The following SYT1 variants were observed in gnomAD, a reference collection of about 807,000 sequenced individuals.
SYT1 encodes the protein synaptotagmin 1.
SYT1 carries 8 observed loss-of-function variants against 44.8 expected under a neutral mutation model. The observed-to-expected ratio is 0.18, with a 90% confidence interval of 0.10 to 0.32. The LOEUF is 0.32. Ranked by LOEUF, SYT1 falls within the 10% of genes least tolerant of loss-of-function variation. SYT1 has a pLI of 1.00. For synonymous variants in SYT1, 154 were observed against 188.8 expected (o/e 0.82, Z 1.51); for missense variants, 286 against 509.3 (o/e 0.56, Z 4.22).
rs188966684 is a variant in SYT1 at position 78,887,240 on chromosome 12, C to T, written c.-217+22131C>T. Among the ~76,000 whole-genome samples the T allele has an allele frequency of 3.2e-3, 485 of 152,034 alleles. 5 individuals are homozygous for T. Among genetic ancestry groups the T allele is most frequent in the Non-Finnish European group, 2.7e-3 (185 of 67,942 alleles). On this transcript the variant is annotated intron_variant, in intron 1 of 10. Transcript: ENST00000261205. ...TGAGTCATCTCTTTGTCCAGTATCT[C>T]GATGCTGTGTTATCCACCCGTTAGT...
intron 9 of SYT1, among the ~76,000 whole-genome samples, chr12:79,441,955 C>T (rs895249563): frequency 2.0e-5 from 3 of 152,180 alleles, no homozygotes; most frequent in African/African-American, 7.2e-5. Context: ...CCTATTCTCC[C>T]CAAGGCATTA....
chr12:79,110,891 A>G (rs1878975110), intron 3 of SYT1, among the ~76,000 whole-genome samples: 1 of 152,174 alleles, frequency 6.6e-6, no homozygotes, highest in African/African-American at 2.4e-5. Context: ...ATAATTAAGT[A>G]CCATTGCTAC....
chr12:79,253,939 A>G (rs906336669), intron 4 of SYT1, among the ~76,000 whole-genome samples: 10 of 152,158 alleles, frequency 6.6e-5, no homozygotes, highest in African/African-American at 2.4e-4. Flanking sequence ...TGAGAGAGGT[A>G]AGGGAGCTGC....
chr12:79,100,656 A>G (rs1565806637), intron 3 of SYT1, among the ~76,000 whole-genome samples: 2 of 152,164 alleles, frequency 1.3e-5, no homozygotes, highest in Admixed American at 6.6e-5. Context: ...CAAATTCCCT[A>G]TAATAAGAGA....
intron 3 of SYT1, among the ~76,000 whole-genome samples, chr12:79,095,088 T>TA (rs1388802402): frequency 2.0e-5 from 3 of 151,788 alleles, no homozygotes; most frequent in Non-Finnish European, 4.4e-5. Context: ...ACAAAATGTT[T>TA]AAAAAAGACA....
intron 1 of SYT1, among the ~76,000 whole-genome samples, chr12:78,934,275 G>A (rs1877929449): frequency 6.6e-6 from 1 of 151,898 alleles, no homozygotes; most frequent in Admixed American, 6.6e-5. Flanking sequence ...GGGCCAGGTG[G>A]AGATAATTGA....
chr12:79,252,506 T>C (rs1877278511), intron 4 of SYT1, among the ~76,000 whole-genome samples: 1 of 152,142 alleles, frequency 6.6e-6, no homozygotes, highest in Non-Finnish European at 1.5e-5. Context: ...TGTGATTCAT[T>C]CTGACAGGGA....
chr12:78,965,325 G>A (rs144212993), intron 1 of SYT1, among the ~76,000 whole-genome samples: 155 of 152,132 alleles, frequency 1.0e-3, no homozygotes, highest in African/African-American at 3.7e-3. Context: ...TACAGATTAG[G>A]CAGCTACTAT....
intron 9 of SYT1, among the ~76,000 whole-genome samples, chr12:79,428,591 C>T (rs543229843): frequency 7.9e-5 from 12 of 152,218 alleles, no homozygotes; most frequent in East Asian, 1.9e-4. Context: ...TTGCAATGCA[C>T]GTTGTAGCTT....
chr12:79,299,961 T>C (rs1880055279), intron 8 of SYT1, among the ~76,000 whole-genome samples: 1 of 152,174 alleles, frequency 6.6e-6, no homozygotes, highest in Non-Finnish European at 1.5e-5. Flanking sequence ...AGAAATAAAA[T>C]GGTACTTTTT....
chr12:79,313,966 G>A (rs971948673), intron 8 of SYT1, among the ~76,000 whole-genome samples: 57 of 148,806 alleles, frequency 3.8e-4, no homozygotes, highest in Non-Finnish European at 6.6e-4. Context: ...TCAGGAGATC[G>A]AGACCATCCT....
At chr12:79,199,495 C>T (rs1281302783) in intron 3 of SYT1, among the ~76,000 whole-genome samples, 1 of 152,064 alleles carries the variant, frequency 6.6e-6, no homozygotes, top group Non-Finnish European at 1.5e-5. Context: ...TTCACTCAGG[C>T]TTTGAGTCAG....
chr12:79,239,532 G>A (rs1876379390), intron 4 of SYT1, among the ~76,000 whole-genome samples: 1 of 152,160 alleles, frequency 6.6e-6, no homozygotes, highest in South Asian at 2.1e-4. Context: ...AATAATAGGG[G>A]AAACTAGGTA....
intron 3 of SYT1, among the ~76,000 whole-genome samples, chr12:79,122,278 GC>G (rs1365040612): frequency 6.6e-6 from 1 of 151,814 alleles, no homozygotes; most frequent in African/African-American, 2.4e-5. Flanking sequence ...ACTTTGGGAG[GC>G]CGAGGCGGGC....
At chr12:79,118,753 G>T (rs1439209004) in intron 3 of SYT1, among the ~76,000 whole-genome samples, 2 of 152,130 alleles carry the variant, frequency 1.3e-5, no homozygotes, top group East Asian at 3.9e-4. Context: ...CTCTTTAAAT[G>T]TTGTGTTCCA....
At chr12:79,419,130 T>C (rs1002807042) in intron 9 of SYT1, 3 of 381,090 alleles carry the variant, frequency 7.9e-6, no homozygotes, top group African/African-American at 4.4e-5. Flanking sequence ...ACGAAACCAA[T>C]AGAAAGTTTT....
chr12:79,334,196 C>G (rs1350203513), intron 8 of SYT1, among the ~76,000 whole-genome samples: 1 of 152,012 alleles, frequency 6.6e-6, no homozygotes, highest in Non-Finnish European at 1.5e-5. Flanking sequence ...CCAAACTTTT[C>G]TTACTGAGGT....
chr12:78,978,959 A>G (rs1284915480), intron 2 of SYT1, among the ~76,000 whole-genome samples: 2 of 152,214 alleles, frequency 1.3e-5, no homozygotes, highest in African/African-American at 4.8e-5. Flanking sequence ...CTGGATCATA[A>G]TATTTTTCAC....
chr12:79,169,423 A>C (rs1871386269), intron 3 of SYT1, among the ~76,000 whole-genome samples: 1 of 151,884 alleles, frequency 6.6e-6, no homozygotes, highest in Non-Finnish European at 1.5e-5. Flanking sequence ...GGCAGGGAAA[A>C]AAGAAATATA....
Sources: gnomAD v4.1 joint callset for allele counts (sites outside exome capture counted in the v4.1 genomes callset) on GRCh38, gnomAD v4.1.1 for gene constraint, MANE v1.5 for transcripts, NCBI Gene and HGNC (gene_info 2026-07-23, HGNC 2026-07-21) for gene names.